XPR1: variants seen among roughly 807,000 people sequenced by gnomAD.
XPR1 encodes the protein solute carrier family 53 member 1.
Under a neutral mutation model 87.5 loss-of-function variants are expected in XPR1, and 28 were observed. The ratio of observed to expected loss-of-function variants is 0.32; its 90% confidence interval spans 0.24 to 0.44. The LOEUF (loss-of-function observed/expected upper bound fraction) is 0.44. Among genes scored for constraint, XPR1 ranks in the 20% least tolerant of loss-of-function variants. XPR1 has a pLI of 1.00. For missense variants in XPR1, 559 were observed against 862.3 expected (o/e 0.65, Z 4.41); for synonymous variants, 300 against 306.1 (o/e 0.98, Z 0.21).
At chr1:180,853,520 T>G (rs997790544) in intron 11 of XPR1, among the ~76,000 whole-genome samples, 2 of 152,124 alleles carry the variant, frequency 1.3e-5, no homozygotes, top group African/African-American at 4.8e-5. Flanking sequence ...TTTTGACATC[T>G]TTGATTGTCT....
At chr1:180,875,592 G>T (rs528586207) in intron 13 of XPR1, among the ~76,000 whole-genome samples, 2 of 151,860 alleles carry the variant, frequency 1.3e-5, no homozygotes, top group African/African-American at 4.8e-5. Context: ...ATGCAGCTAG[G>T]GCCATGCTTA....
intron 11 of XPR1, among the ~76,000 whole-genome samples, chr1:180,851,163 T>C (rs754779055): frequency 3.9e-5 from 6 of 152,156 alleles, no homozygotes; most frequent in Non-Finnish European, 5.9e-5. Flanking sequence ...TATTTTTTAA[T>C]GTAAAAACAC....
In XPR1 at chr1:180,703,497, C is replaced by T. The variant is rs540867335; in HGVS notation, c.121+21086C>T. ...TGGCCATGGTTAGCAGGGCAGACCTCTTCTCAGGCCCCTGATTATGCACAT... is the reference window on the plus strand; with the variant it reads ...TGGCCATGGTTAGCAGGGCAGACCTTTTCTCAGGCCCCTGATTATGCACAT... On this transcript the variant is annotated intron_variant, in intron 2 of 14. Coordinates refer to ENST00000367590, the MANE Select transcript of XPR1 (RefSeq NM_004736.4). Among the ~76,000 whole-genome samples, 13 of 152,246 alleles carry T rather than the reference C, an allele frequency of 8.5e-5. No individual in the cohort carries two copies. In the Middle Eastern group the frequency reaches 0.01, roughly 120 times the overall value.
At chr1:180,770,509 G>A (rs1245578460) in intron 2 of XPR1, among the ~76,000 whole-genome samples, 2 of 152,066 alleles carry the variant, frequency 1.3e-5, no homozygotes, top group Non-Finnish European at 2.9e-5. Flanking sequence ...TCATCATATT[G>A]GGGATTAAGT....
chr1:180,794,001 T>C (rs1265532111), intron 3 of XPR1, among the ~76,000 whole-genome samples: 1 of 152,080 alleles, frequency 6.6e-6, no homozygotes, highest in Non-Finnish European at 1.5e-5. Flanking sequence ...ATCATGTAAA[T>C]AATGGGTTTT....
chr1:180,741,308 T>C, intron 2 of XPR1, among the ~76,000 whole-genome samples: 1 of 151,976 alleles, frequency 6.6e-6, no homozygotes, highest in Admixed American at 6.6e-5. Context: ...GGATTATAGA[T>C]GCCTGCCACC....
In XPR1 at chr1:180,810,635, C is replaced by T. The variant is rs147000560; in HGVS notation, c.682-772C>T. On this transcript the variant is annotated intron_variant, in intron 6 of 14. Coordinates refer to ENST00000367590, the MANE Select transcript of XPR1 (RefSeq NM_004736.4). ...AATGTAAGTACTATCAGAAAGTAAG[C>T]GTTCTTGTCTCCGTCATCGTCTCTA... 2.9e-3 allele frequency among the ~76,000 whole-genome samples: 446 copies of T among 151,836 alleles called. 3 individuals are homozygous for T. Among genetic ancestry groups the T allele is most frequent in the African/African-American group, 9.7e-3 (401 of 41,398 alleles).
intron 2 of XPR1, among the ~76,000 whole-genome samples, chr1:180,720,347 GTA>G (rs1658139671): frequency 6.6e-6 from 1 of 152,152 alleles, no homozygotes; most frequent in Non-Finnish European, 1.5e-5. Flanking sequence ...AAAACAGTTG[GTA>G]ATGTGACAGT....
chr1:180,680,032 A>G (rs1226969223), intron 1 of XPR1, among the ~76,000 whole-genome samples: 3 of 152,178 alleles, frequency 2.0e-5, no homozygotes, highest in Non-Finnish European at 4.4e-5. Flanking sequence ...CAAACATCTT[A>G]ACAGCAAAAA....
chr1:180,883,876 G>T, intron 14 of XPR1, 130 bp from the exon 15 acceptor site: 1 of 713,182 alleles, frequency 1.4e-6, no homozygotes, highest in Non-Finnish European at 2.3e-6. Flanking sequence ...TAATCCGTCT[G>T]GTACAGCAGA....
intron 2 of XPR1, among the ~76,000 whole-genome samples, chr1:180,780,315 C>G (rs1160254224): frequency 6.6e-6 from 1 of 152,082 alleles, no homozygotes; most frequent in Non-Finnish European, 1.5e-5. Flanking sequence ...ATATTCTTAC[C>G]AACACTTGTT....
rs1469771012 is a variant in XPR1, at chr1:180,787,780, A to G, written c.149A>G (p.Tyr50Cys). 6.2e-7 allele frequency: 1 copy of G among 1,613,224 alleles called. No homozygotes were observed. The highest frequency in any genetic ancestry group is 8.5e-7 in the Non-Finnish European group (1 of 1,179,730). ...ACAGATGAGGACACAGTAAAGAGGT[A>G]TTTTGCCAAGTTTGAAGAGAAGTTT... ...EVTDEDTVKR[Y>C]FAKFEEKFFQ... is the part of the protein sequence containing the mutation. Residue 50 changes from tyrosine (Y) to cysteine (C), a missense_variant, in exon 3 of 15, where the codon TAT (tyrosine) becomes TGT (cysteine). Transcript: ENST00000367590.
chr1:180,882,236 G>T (rs1308375802), intron 14 of XPR1, among the ~76,000 whole-genome samples: 1 of 152,214 alleles, frequency 6.6e-6, no homozygotes, highest in African/African-American at 2.4e-5. Flanking sequence ...TAAGACATTA[G>T]GAATGGAACA....
intron 11 of XPR1, among the ~76,000 whole-genome samples, chr1:180,862,738 GA>G (rs950392949): frequency 6.6e-6 from 1 of 151,948 alleles, no homozygotes; most frequent in Non-Finnish European, 1.5e-5. Context: ...TATTTTAACA[GA>G]AAAAAATTAT....
At chr1:180,742,387 T>C (rs1041120399) in intron 2 of XPR1, among the ~76,000 whole-genome samples, 2 of 152,198 alleles carry the variant, frequency 1.3e-5, no homozygotes, top group Non-Finnish European at 2.9e-5. Context: ...CTTTGACTTA[T>C]GGATTATATA....
rs150751623 is a variant in XPR1 at position 180,776,563 on chromosome 1, T to C, written c.122-11190T>C. 1.2e-3 allele frequency among the ~76,000 whole-genome samples: 187 copies of C among 152,214 alleles called. 2 individuals are homozygous for C. Among genetic ancestry groups the C allele is most frequent in the Admixed American group, 2.5e-3 (38 of 15,300 alleles). On this transcript the variant is annotated intron_variant, in intron 2 of 14. Transcript: ENST00000367590. ...CCAGAAATTACATTGTTTATAATTA[T>C]TTAAATGTGTTCAAAATCAGTTATC... is the stretch of plus-strand genomic sequence containing the variant.
chr1:180,695,645 C>A (rs1401702830), intron 2 of XPR1, among the ~76,000 whole-genome samples: 1 of 152,072 alleles, frequency 6.6e-6, no homozygotes, highest in Non-Finnish European at 1.5e-5. Context: ...CATTTTTCTG[C>A]ATATGGATAT....
intron 1 of XPR1, among the ~76,000 whole-genome samples, chr1:180,659,723 T>G (rs1037926368): frequency 1.3e-5 from 2 of 151,756 alleles, no homozygotes; most frequent in African/African-American, 4.8e-5. Flanking sequence ...TTCACCATCT[T>G]GGCCAGGTTG....
intron 11 of XPR1, among the ~76,000 whole-genome samples, chr1:180,857,672 T>C (rs1164879989): frequency 2.0e-5 from 3 of 152,128 alleles, no homozygotes; most frequent in Non-Finnish European, 2.9e-5. Context: ...TTTGACTAAA[T>C]TCTCTCTCCT....
Sources: allele counts gnomAD v4.1 joint callset (sites outside exome capture counted in the v4.1 genomes callset), GRCh38; gene constraint gnomAD v4.1.1; transcripts MANE v1.5; gene names NCBI Gene and HGNC (gene_info 2026-07-23, HGNC 2026-07-21).